Variants in ZNF713 observed in about 807,000 individuals in gnomAD.
ZNF713 encodes the protein zinc finger protein 713.
A neutral mutation model predicts 28.7 loss-of-function variants in ZNF713; 21 were observed. The ratio of observed to expected loss-of-function variants is 0.73; its 90% confidence interval spans 0.52 to 1.05. ZNF713 has a LOEUF of 1.05. Among genes scored for constraint, ZNF713 ranks in the 50% least tolerant of loss-of-function variants. ZNF713 has a pLI of 0.00. For synonymous variants in ZNF713, 167 were observed against 178.0 expected, an observed-to-expected ratio of 0.94 and a Z score of 0.49; for missense variants, 458 against 532.4, an observed-to-expected ratio of 0.86 and a Z score of 1.37.
intron 4 of ZNF713, among the ~76,000 whole-genome samples, chr7:55,919,490 GTTTTTTTTTTTTT>G (rs55656709): frequency 9.0e-5 from 6 of 66,760 alleles, no homozygotes; most frequent in Admixed American, 3.6e-4. Context: ...AAACACTCCA[GTTTTTTTTTTTTT>G]TTTTTTTTTT....
chr7:55,934,835 C>T (rs1278554876), intron 6 of ZNF713, among the ~76,000 whole-genome samples: 1 of 151,202 alleles, frequency 6.6e-6, no homozygotes, highest in Admixed American at 6.6e-5. Context: ...AACAATTTGA[C>T]AGAATTTATC....
chr7:55,913,847 C>T (rs1785831970), intron 4 of ZNF713, among the ~76,000 whole-genome samples: 1 of 152,140 alleles, frequency 6.6e-6, no homozygotes, highest in Admixed American at 6.5e-5. Flanking sequence ...TGCAGGGGCT[C>T]ATGCCTGTAA....
chr7:55,887,855 GGGCGGCGGGCGGCGGCGGCGGCGGC>G (rs1394348557), intron 1 of ZNF713, among the ~76,000 whole-genome samples, 175 bp downstream of exon 1: 749 of 13,820 alleles, frequency 0.054, 209 homozygotes, highest in Middle Eastern at 0.17. Context: ...CGGCGGCGGC[GGGCGGCGGGCGGCGGCGGCGGCGGC>G]GGCGGCGGGC....
At chr7:55,928,462 G>A (rs375374435) in intron 6 of ZNF713, among the ~76,000 whole-genome samples, 1 of 152,180 alleles carries the variant, frequency 6.6e-6, no homozygotes, top group Non-Finnish European at 1.5e-5. Context: ...CAAAGAAATG[G>A]AGGTGTAGAA....
intron 2 of ZNF713, among the ~76,000 whole-genome samples, chr7:55,910,349 G>A (rs1373886335): frequency 6.6e-6 from 1 of 152,142 alleles, no homozygotes; most frequent in African/African-American, 2.4e-5. Flanking sequence ...AGTGGTGAGA[G>A]TGTGCATCCT....
In ZNF713 at chr7:55,888,845, C is replaced by G. The variant is rs145727754; in HGVS notation, c.-583+1165C>G. ...GGAGGATCACTTGAGCTCATGAGTT[C>G]GAGACCAGCCTGGGAAACATGGCAA... On this transcript the variant is annotated intron_variant, in intron 1 of 6. Coordinates refer to ENST00000429591, the MANE Select transcript of ZNF713 (RefSeq NM_182633.3). Among the ~76,000 whole-genome samples the G allele has an allele frequency of 9.4e-4, 142 of 151,768 alleles. 1 individual carries two copies. The Middle Eastern group carries it at 0.01, about 11-fold the overall frequency.
In ZNF713 at chr7:55,888,335, C is replaced by T. The variant is rs181747874; in HGVS notation, c.-583+655C>T. On this transcript the variant is annotated intron_variant, in intron 1 of 6. Transcript: ENST00000429591. ...ACTTTTCCACGGAATTGCAGTGACA[C>T]TTTTATTACATTTTGCAGGCGTGTG... 1.1e-4 allele frequency among the ~76,000 whole-genome samples: 17 copies of T among 152,214 alleles called. No homozygotes were observed. The East Asian group carries it at 3.3e-3, about 29-fold the overall frequency.
At chr7:55,899,979 G>C (rs748735744) in intron 1 of ZNF713, among the ~76,000 whole-genome samples, 2 of 151,974 alleles carry the variant, frequency 1.3e-5, no homozygotes, top group African/African-American at 2.4e-5. Context: ...CCTGATCTCA[G>C]ATGATCCACC....
Position 55,939,136 on chromosome 7 carries a change from G to C in ZNF713, c.462G>C (p.Glu154Asp). 6.2e-7 allele frequency: 1 copy of C among 1,614,086 alleles called. No homozygotes were observed. Among genetic ancestry groups the C allele is most frequent in the Non-Finnish European group, 8.5e-7 (1 of 1,180,014 alleles). The change falls in exon 7 of 7, where the codon GAG (glutamate) becomes GAC (aspartate). Residue 154 changes from glutamate (E) to aspartate (D), a missense_variant. Physicochemically the swap from Glu to Asp is conservative, Grantham distance 45. Transcript: ENST00000429591. ...TCTGGGATTTTGATTACCATCCAGA[G>C]TTTAACCAAGAAAACCACAAGAGAT... ...GGLWDFDYHP[E>D]FNQENHKRYL...
At chr7:55,887,967 C>T (rs1785309601) in intron 1 of ZNF713, among the ~76,000 whole-genome samples, 1 of 150,230 alleles carries the variant, frequency 6.7e-6, no homozygotes, top group South Asian at 2.1e-4. Flanking sequence ...GTCACCCGCC[C>T]CGTGTCCCTT....
chr7:55,937,749 A>AT, intron 6 of ZNF713, among the ~76,000 whole-genome samples: 1 of 151,942 alleles, frequency 6.6e-6, no homozygotes, highest in Admixed American at 6.6e-5. Flanking sequence ...AAAAAAAAAA[A>AT]TCAAAATATT....
At position 55,900,556 on chromosome 7, in the gene ZNF713, G is replaced by A. The variant is rs1785557231; in HGVS notation, c.-582-5697G>A. Among the ~76,000 whole-genome samples, 3 of 152,118 alleles carry A rather than the reference G, an allele frequency of 2.0e-5. 1 individual carries two copies. The South Asian group carries it at 6.2e-4, about 32-fold the overall frequency. ...TTATATTATTCGTGACAACATAGAT[G>A]AACCTGGAGGACATTGTATTAAGTG... On this transcript the variant is annotated intron_variant, in intron 1 of 6. Coordinates refer to ENST00000429591, the MANE Select transcript of ZNF713 (RefSeq NM_182633.3).
rs1786476593 is a variant in ZNF713 at position 55,941,836 on chromosome 7, T to G, written c.*1830T>G. On this transcript the variant is annotated 3_prime_UTR_variant, in exon 7 of 7. Coordinates refer to ENST00000429591, the MANE Select transcript of ZNF713 (RefSeq NM_182633.3). ...AGTTTGTGGCAATATCCTGTGATGA[T>G]TCTTTTTGCAATCTTGACATTATTT... The G allele has an allele frequency of 6.6e-6, 1 of 152,186 alleles. No individual in the cohort carries two copies. Among genetic ancestry groups the G allele is most frequent in the Non-Finnish European group, 1.5e-5 (1 of 68,012 alleles). The allele number at this position is 152,186 out of a possible 1,614,324, so 9.4% of individuals were successfully genotyped here.
chr7:55,938,161 A>G (rs747149165), intron 6 of ZNF713, among the ~76,000 whole-genome samples: 1 of 150,278 alleles, frequency 6.7e-6, no homozygotes, highest in Non-Finnish European at 1.5e-5. Context: ...CCAAGATCAC[A>G]CCACTGCACT....
At chr7:55,934,460 C>A (rs1478125323) in intron 6 of ZNF713, among the ~76,000 whole-genome samples, 1 of 152,076 alleles carries the variant, frequency 6.6e-6, no homozygotes, top group Non-Finnish European at 1.5e-5. Context: ...GTTATCACAT[C>A]TTGTATGGGG....
chr7:55,929,701 A>G (rs10229880), intron 6 of ZNF713, among the ~76,000 whole-genome samples: 1 of 151,828 alleles, frequency 6.6e-6, no homozygotes, highest in South Asian at 2.1e-4. Flanking sequence ...GTTGCAGTGA[A>G]CTGAGACTGC....
chr7:55,921,130 C>T, intron 4 of ZNF713, among the ~76,000 whole-genome samples: 1 of 152,178 alleles, frequency 6.6e-6, no homozygotes, highest in African/African-American at 2.4e-5. Flanking sequence ...GACAGCATAC[C>T]TGTTTACGCA....
chr7:55,888,867 G>A (rs1309188079), intron 1 of ZNF713, among the ~76,000 whole-genome samples: 2 of 151,850 alleles, frequency 1.3e-5, no homozygotes, highest in Non-Finnish European at 2.9e-5. Context: ...GGGAAACATG[G>A]CAAGACCCTG....
intron 6 of ZNF713, among the ~76,000 whole-genome samples, chr7:55,932,391 G>T (rs1376780807): frequency 6.6e-6 from 1 of 151,274 alleles, no homozygotes; most frequent in African/African-American, 2.4e-5. Flanking sequence ...AGGGTATCGT[G>T]GCACGTGCCT....
Sources: gnomAD v4.1 joint callset for allele counts (sites outside exome capture counted in the v4.1 genomes callset) on GRCh38, gnomAD v4.1.1 for gene constraint, MANE v1.5 for transcripts, NCBI Gene and HGNC (gene_info 2026-07-23, HGNC 2026-07-21) for gene names.